The following MAP3K4 variants were observed in gnomAD, a reference collection of about 807,000 sequenced individuals.
MAP3K4 encodes mitogen-activated protein kinase kinase kinase 4.
A neutral mutation model predicts 185.6 loss-of-function variants in MAP3K4; 67 were observed. That is an observed-to-expected ratio of 0.36 (90% CI 0.30 to 0.44). The LOEUF is 0.44. Among genes scored for constraint, MAP3K4 ranks in the 20% least tolerant of loss-of-function variants. The pLI, the probability that MAP3K4 is intolerant of heterozygous loss-of-function variation, is 1.00. For missense variants in MAP3K4, 1,551 were observed against 1,995.1 expected, an observed-to-expected ratio of 0.78 and a Z score of 4.24; for synonymous variants, 702 against 710.4, an observed-to-expected ratio of 0.99 and a Z score of 0.19.
chr6:161,079,089 A>T (rs1467031239), intron 5 of MAP3K4, among the ~76,000 whole-genome samples: 1 of 151,424 alleles, frequency 6.6e-6, no homozygotes, highest in Non-Finnish European at 1.5e-5. Context: ...TGGTGTACAC[A>T]TGTAGTCCCA....
In MAP3K4 at chr6:161,008,059, A is replaced by G. The variant is rs1225172888; in HGVS notation, c.152+15976A>G. The stretch of plus-strand genomic sequence containing the variant: ...AAATTCTGGTAAACCCATAAAGAGT[A>G]GAAAGAAGGTAGAAAGGCAGAAAGT... On this transcript the variant is annotated intron_variant, in intron 1 of 26. Transcript: ENST00000392142. The surrounding 1 kb of genome is among the most constrained non-coding windows in gnomAD (Gnocchi z 4.1). Among the ~76,000 whole-genome samples the G allele has an allele frequency of 6.6e-6, 1 of 152,252 alleles. No individual in the cohort carries two copies. The highest frequency in any genetic ancestry group is 1.5e-5 in the Non-Finnish European group (1 of 68,034).
intron 1 of MAP3K4, among the ~76,000 whole-genome samples, chr6:161,014,572 T>C (rs1011670214): frequency 5.9e-5 from 9 of 152,216 alleles, no homozygotes; most frequent in Non-Finnish European, 1.3e-4. Flanking sequence ...CCTTTTTTTA[T>C]ATGAGGATGC....
rs1781720754 is a variant in MAP3K4, at chr6:161,008,941, T to C, written c.152+16858T>C. ...TCAATGGGTATAATGTTTATACCCA[T>C]TGTATAAATGTATCATGGCATATTC... On this transcript the variant is annotated intron_variant, in intron 1 of 26. Transcript: ENST00000392142. This position sits in a 1 kb window ranked among gnomAD's most constrained non-coding sequence, Gnocchi z 4.1. 6.6e-6 allele frequency among the ~76,000 whole-genome samples: 1 copy of C among 152,050 alleles called. No homozygotes were observed. Among genetic ancestry groups the C allele is most frequent in the Non-Finnish European group, 1.5e-5 (1 of 67,986 alleles).
intron 1 of MAP3K4, among the ~76,000 whole-genome samples, chr6:161,001,429 A>G (rs1258647122): frequency 6.6e-6 from 1 of 152,030 alleles, no homozygotes; most frequent in Non-Finnish European, 1.5e-5. Flanking sequence ...TTTAGGGTCC[A>G]CCTTGACATT....
At chr6:161,001,536 T>A (rs763583679) in intron 1 of MAP3K4, among the ~76,000 whole-genome samples, 1 of 152,194 alleles carries the variant, frequency 6.6e-6, no homozygotes, top group African/African-American at 2.4e-5. Flanking sequence ...TTTGTGTACA[T>A]ATTTGTTTAT....
At chr6:161,018,307 ACT>A (rs935403287) in intron 1 of MAP3K4, among the ~76,000 whole-genome samples, 1 of 152,050 alleles carries the variant, frequency 6.6e-6, no homozygotes, top group African/African-American at 2.4e-5. Flanking sequence ...TGGAATAGAA[ACT>A]CTGCAAATAA....
In MAP3K4 at chr6:161,110,193, C is replaced by T. The variant is rs575301915; in HGVS notation, c.4396+279C>T. Among the ~76,000 whole-genome samples, 72 of 152,258 alleles carry T rather than the reference C, an allele frequency of 4.7e-4. No homozygotes were observed. Among genetic ancestry groups the T allele is most frequent in the South Asian group, 3.3e-3 (16 of 4,826 alleles). On this transcript the variant is annotated intron_variant, in intron 23 of 26. Coordinates refer to ENST00000392142, the MANE Select transcript of MAP3K4 (RefSeq NM_005922.4). This position sits in a 1 kb window ranked among gnomAD's most constrained non-coding sequence, Gnocchi z 4.8. ...TTTTATAAGCTGATTTGGCATAGCC[C>T]GTGTACTTACCAGACATTCGTGATC...
chr6:161,021,416 C>G (rs920223846), intron 1 of MAP3K4, among the ~76,000 whole-genome samples: 1 of 152,242 alleles, frequency 6.6e-6, no homozygotes, highest in Non-Finnish European at 1.5e-5. Flanking sequence ...CCTGCTCTCT[C>G]CTGTCTCAGA....
At chr6:161,104,112 A>G (rs1199082391) in intron 19 of MAP3K4, among the ~76,000 whole-genome samples, 1 of 152,180 alleles carries the variant, frequency 6.6e-6, no homozygotes. Flanking sequence ...TACAGTTCAC[A>G]TTGACATATT....
Position 161,048,610 on chromosome 6 carries a change from T to TA in MAP3K4, c.344-4dup. ...ATAATGTTCTGTTTATTTTTTTTTTTAATAGAAAAAATGAATGCACCAAAT... is the reference window on the plus strand; with the variant it reads ...ATAATGTTCTGTTTATTTTTTTTTTTAAATAGAAAAAATGAATGCACCAAAT... On this transcript the variant is annotated splice_polypyrimidine_tract_variant and splice_region_variant and intron_variant, in intron 2 of 26. Coordinates refer to ENST00000392142, the MANE Select transcript of MAP3K4 (RefSeq NM_005922.4). This position sits in a 1 kb window ranked among gnomAD's most constrained non-coding sequence, Gnocchi z 4.7. The TA allele has an allele frequency of 6.5e-7, 1 of 1,541,698 alleles. No homozygotes were observed. The highest frequency in any genetic ancestry group is 8.7e-7 in the Non-Finnish European group (1 of 1,146,574).
rs1052073776 is a variant in MAP3K4, at chr6:161,051,022, C to G, written c.1707+1043C>G. Among the ~76,000 whole-genome samples, 1 of 152,074 alleles carries G rather than the reference C, an allele frequency of 6.6e-6. No individual in the cohort carries two copies. Among genetic ancestry groups the G allele is most frequent in the Non-Finnish European group, 1.5e-5 (1 of 68,032 alleles). ...TGCACAACCTCGTATGCTTTAATCT[C>G]GAGATTATGTGTAATGCCTTATGTA... On this transcript the variant is annotated intron_variant, in intron 3 of 26. Transcript: ENST00000392142. The surrounding 1 kb of genome is among the most constrained non-coding windows in gnomAD (Gnocchi z 4.2).
intron 1 of MAP3K4, among the ~76,000 whole-genome samples, chr6:161,003,715 TTATTAC>T (rs2115055191): frequency 6.6e-6 from 1 of 152,268 alleles, no homozygotes; most frequent in Admixed American, 6.5e-5. Flanking sequence ...TGTGGTTAAC[TTATTAC>T]TATAATTTTC....
Position 161,086,114 on chromosome 6 carries a change from A to G in MAP3K4, c.2373-265A>G, listed in dbSNP as rs1785700669. Among the ~76,000 whole-genome samples the G allele has an allele frequency of 6.6e-6, 1 of 152,222 alleles. No homozygotes were observed. The highest frequency in any genetic ancestry group is 2.4e-5 in the African/African-American group (1 of 41,462). ...GAAATGATCATAATGAAATGTTAAG[A>G]AAATTGAGCTTCCTATTATTTGAAG... On this transcript the variant is annotated intron_variant, in intron 7 of 26. Coordinates refer to ENST00000392142, the MANE Select transcript of MAP3K4 (RefSeq NM_005922.4). The surrounding 1 kb of genome is among the most constrained non-coding windows in gnomAD (Gnocchi z 4.8).
chr6:161,113,210 G>C (rs913257020), intron 25 of MAP3K4, among the ~76,000 whole-genome samples: 3 of 152,136 alleles, frequency 2.0e-5, no homozygotes, highest in African/African-American at 7.2e-5. Context: ...ACACCCTGTC[G>C]AGCCACAGAA....
At position 161,087,510 on chromosome 6, in the gene MAP3K4, C is replaced by G. The variant is rs1352222613; in HGVS notation, c.2557-178C>G. On this transcript the variant is annotated intron_variant, in intron 9 of 26. Coordinates refer to ENST00000392142, the MANE Select transcript of MAP3K4 (RefSeq NM_005922.4). The surrounding 1 kb of genome is among the most constrained non-coding windows in gnomAD (Gnocchi z 4.9). ...CTCCAGTGCGTTCACAGACTCTCCT[C>G]CTCCTGCCTCCTTCAGTCACACTGA... Among the ~76,000 whole-genome samples, 1 of 152,174 alleles carries G rather than the reference C, an allele frequency of 6.6e-6. No individual in the cohort carries two copies. Among genetic ancestry groups the G allele is most frequent in the African/African-American group, 2.4e-5 (1 of 41,446 alleles).
At chr6:161,055,663 A>C (rs1784200299) in intron 3 of MAP3K4, among the ~76,000 whole-genome samples, 1 of 152,206 alleles carries the variant, frequency 6.6e-6, no homozygotes, top group Non-Finnish European at 1.5e-5. Context: ...CATGTCCATG[A>C]ATCTGGATTT....
chr6:161,112,304 C>T lies in MAP3K4; in HGVS notation c.4519+346C>T, dbSNP rs980497761. Among the ~76,000 whole-genome samples the T allele has an allele frequency of 9.9e-5, 15 of 152,162 alleles. No homozygotes were observed. Among genetic ancestry groups the T allele is most frequent in the African/African-American group, 2.9e-4 (12 of 41,446 alleles). ...CGAATCACTCAGCATACACCAGTCT[C>T]GTTGGCTGCCTGCCTGTCCACTACC... is the stretch of plus-strand genomic sequence containing the variant. On this transcript the variant is annotated intron_variant, in intron 24 of 26. Transcript: ENST00000392142. The surrounding 1 kb of genome is among the most constrained non-coding windows in gnomAD (Gnocchi z 5.1).
rs569954646 is a variant in MAP3K4, at chr6:161,098,510, C to T, written c.3674+83C>T. Reference sequence around the variant, plus strand: ...GCAACCATAGTGTTAGGGTGTGTGCCGGCTGTGGTTGGGCTTCTTTGCTGT... The same window carrying T: ...GCAACCATAGTGTTAGGGTGTGTGCTGGCTGTGGTTGGGCTTCTTTGCTGT... On this transcript the variant is annotated intron_variant, in intron 17 of 26. Coordinates refer to ENST00000392142, the MANE Select transcript of MAP3K4 (RefSeq NM_005922.4). This position sits in a 1 kb window ranked among gnomAD's most constrained non-coding sequence, Gnocchi z 4.4. 3.0e-5 allele frequency: 44 copies of T among 1,470,810 alleles called. No individual in the cohort carries two copies. The East Asian group carries it at 5.8e-4, about 19-fold the overall frequency. 91.1% of individuals were successfully genotyped at this position (1,470,810 alleles called of 1,614,324 possible).
At chr6:161,003,442 C>T (rs1239348842) in intron 1 of MAP3K4, among the ~76,000 whole-genome samples, 1 of 152,206 alleles carries the variant, frequency 6.6e-6, no homozygotes, top group African/African-American at 2.4e-5. Flanking sequence ...CTTTAGTTAG[C>T]AGTCTCATGA....
Sources: gnomAD v4.1 joint callset for allele counts (sites outside exome capture counted in the v4.1 genomes callset) on GRCh38, gnomAD v4.1.1 for gene constraint, Gnocchi (gnomAD v3.1) non-coding constraint, MANE v1.5 for transcripts, NCBI Gene and HGNC (gene_info 2026-07-23, HGNC 2026-07-21) for gene names.